Variants in CD4 observed in about 807,000 individuals in gnomAD.
CD4 encodes T-cell surface glycoprotein CD4.
A neutral mutation model predicts 50.5 loss-of-function variants in CD4; 25 were observed. The observed-to-expected ratio is 0.49, with a 90% CI of 0.36 to 0.69. CD4 has a LOEUF of 0.69. CD4 is among the 30% of genes least tolerant of loss of function. The pLI, the probability that CD4 is intolerant of heterozygous loss-of-function variation, is 0.00. For synonymous variants in CD4, 207 were observed against 221.9 expected (o/e 0.93, Z 0.60); for missense variants, 456 against 548.5 (o/e 0.83, Z 1.68).
At position 6,818,323 on chromosome 12, in the gene CD4, T is replaced by G; in HGVS notation, c.1157-98T>G. Reference sequence around the variant, plus strand: ...CCTCCCCTCTCCCCCAACCCCAGGGTCAAACCAGAGACTGGCCAGGAGGGA... The same window carrying G: ...CCTCCCCTCTCCCCCAACCCCAGGGGCAAACCAGAGACTGGCCAGGAGGGA... On this transcript the variant is annotated intron_variant, in intron 7 of 9. Coordinates refer to ENST00000011653, the MANE Select transcript of CD4 (RefSeq NM_000616.5). The surrounding 1 kb of genome is among the most constrained non-coding windows in gnomAD (Gnocchi z 5.0). 7 of 1,484,672 alleles carry G rather than the reference T, an allele frequency of 4.7e-6. No individual in the cohort carries two copies. Among genetic ancestry groups the G allele is most frequent in the Admixed American group, 1.8e-5 (1 of 56,926 alleles). 92.0% of individuals were successfully genotyped at this position (1,484,672 alleles called of 1,614,324 possible).
chr12:6,817,672 A>G (rs1003702683), intron 7 of CD4, among the ~76,000 whole-genome samples: 23 of 151,862 alleles, frequency 1.5e-4, no homozygotes, highest in African/African-American at 5.6e-4. Context: ...ACACTCACAC[A>G]CATACACTCT....
chr12:6,790,105 G>A (rs1942111304), intron 1 of CD4, among the ~76,000 whole-genome samples: 1 of 148,682 alleles, frequency 6.7e-6, no homozygotes, highest in Admixed American at 6.8e-5. Context: ...AATATAAGGT[G>A]GGAGGAAACC....
At chr12:6,805,249 T>C (rs782679932) in intron 3 of CD4, among the ~76,000 whole-genome samples, 1 of 117,368 alleles carries the variant, frequency 8.5e-6, no homozygotes, top group African/African-American at 3.3e-5. Flanking sequence ...GAGAAAGAAA[T>C]ACTTAGGTGT....
At position 6,800,067 on chromosome 12, in the gene CD4, C is replaced by T. The variant is rs1942489868; in HGVS notation, c.-67-5C>T. 1.5e-6 allele frequency: 2 copies of T among 1,357,624 alleles called. No homozygotes were observed. Among genetic ancestry groups the T allele is most frequent in the Admixed American group, 3.4e-5 (2 of 59,582 alleles). The allele number at this position is 1,357,624 out of a possible 1,614,324, so 84.1% of individuals were successfully genotyped here. ...TTGCTGACTAATGATTGGCATTTCCCTCAGGCCCTGCCATTTCTGTGGGCT... is the reference window on the plus strand; with the variant it reads ...TTGCTGACTAATGATTGGCATTTCCTTCAGGCCCTGCCATTTCTGTGGGCT... On this transcript the variant is annotated splice_polypyrimidine_tract_variant and splice_region_variant and intron_variant, in intron 1 of 9. Transcript: ENST00000011653.
chr12:6,813,820 A>G (rs1244164241), intron 3 of CD4, among the ~76,000 whole-genome samples: 1 of 152,342 alleles, frequency 6.6e-6, no homozygotes, highest in African/African-American at 2.4e-5. Context: ...TCTGCAAAAT[A>G]AACAAAACAG....
chr12:6,805,011 G>A (rs1483386273), intron 3 of CD4, among the ~76,000 whole-genome samples: 4 of 97,932 alleles, frequency 4.1e-5, no homozygotes, highest in African/African-American at 1.5e-4. Context: ...GTGAGACTAC[G>A]TCTCAAAAAA....
At chr12:6,808,240 G>A (rs1321468516) in intron 3 of CD4, among the ~76,000 whole-genome samples, 1 of 33,658 alleles carries the variant, frequency 3.0e-5, no homozygotes. Flanking sequence ...GGATCACGAG[G>A]TCAGGAGATT....
intron 1 of CD4, among the ~76,000 whole-genome samples, chr12:6,796,384 C>G (rs1075836): frequency 0.63 from 95,124 of 152,076 alleles, 29,936 homozygotes; most frequent in Middle Eastern, 0.7. Context: ...GCTTGGAAGA[C>G]AGAGTAAGTC....
intron 1 of CD4, among the ~76,000 whole-genome samples, chr12:6,796,629 A>T (rs1273502009): frequency 6.6e-6 from 1 of 152,158 alleles, no homozygotes; most frequent in African/African-American, 2.4e-5. Flanking sequence ...CACACAGACC[A>T]TGCCACATCT....
rs1226212429 is a variant in CD4 at position 6,792,122 on chromosome 12, A to T, written c.-68+2460A>T. Among the ~76,000 whole-genome samples the T allele has an allele frequency of 6.6e-6, 1 of 152,158 alleles. No individual in the cohort carries two copies. The highest frequency in any genetic ancestry group is 1.5e-5 in the Non-Finnish European group (1 of 68,020). On this transcript the variant is annotated intron_variant, in intron 1 of 9. Transcript: ENST00000011653. This position sits in a 1 kb window ranked among gnomAD's most constrained non-coding sequence, Gnocchi z 4.1. ...AGTTTATAGGAAGCTAGTCAGCAGT[A>T]GAGAGGGTGAACGCGGTGGGGCACA...
intron 5 of CD4, among the ~76,000 whole-genome samples, chr12:6,815,553 C>G (rs1362934395): frequency 2.6e-5 from 4 of 152,122 alleles, no homozygotes; most frequent in Admixed American, 1.3e-4. Context: ...ACCATGTGAC[C>G]TTGGGTGAGT....
Position 6,800,167 on chromosome 12 carries a change from TG to T in CD4, c.30del (p.Leu10PhefsTer30). The T allele has an allele frequency of 6.2e-7, 1 of 1,614,064 alleles. No individual in the cohort carries two copies. Among genetic ancestry groups the T allele is most frequent in the Non-Finnish European group, 8.5e-7 (1 of 1,180,002 alleles). On this transcript the variant is annotated frameshift_variant, in exon 2 of 10. Coordinates refer to ENST00000011653, the MANE Select transcript of CD4 (RefSeq NM_000616.5). LOFTEE classifies it high-confidence loss of function. Reference sequence around the variant, plus strand: ...AACCGGGGAGTCCCTTTTAGGCACTTGCTTCTGGTGCTGCAACTGGGTAAGT... The same window carrying T: ...AACCGGGGAGTCCCTTTTAGGCACTTCTTCTGGTGCTGCAACTGGGTAAGT... MNRGVPFRH[L>X]LLVLQLALLP...
intron 1 of CD4, among the ~76,000 whole-genome samples, chr12:6,798,329 C>G (rs1942435487): frequency 7.5e-6 from 1 of 133,874 alleles, no homozygotes; most frequent in Non-Finnish European, 1.7e-5. Context: ...GCCACCACGC[C>G]CGGCTAATTT....
intron 3 of CD4, among the ~76,000 whole-genome samples, chr12:6,808,280 C>T (rs766706494): frequency 6.8e-6 from 1 of 146,838 alleles, no homozygotes; most frequent in Non-Finnish European, 1.5e-5. Context: ...AGTGAAACCC[C>T]GTCTCTACTA....
chr12:6,789,759 C>T (rs904848224), intron 1 of CD4, 97 bp downstream of exon 1: 6 of 152,288 alleles, frequency 3.9e-5, no homozygotes, highest in Non-Finnish European at 7.3e-5. Flanking sequence ...TGTCTGCCCA[C>T]AGCTCTGGCC....
intron 1 of CD4, among the ~76,000 whole-genome samples, chr12:6,793,589 C>G (rs922136245): frequency 6.6e-6 from 1 of 152,104 alleles, no homozygotes; most frequent in Non-Finnish European, 1.5e-5. Context: ...TTTCAGAAAC[C>G]TCCTTCCTGA....
intron 3 of CD4, among the ~76,000 whole-genome samples, chr12:6,812,282 C>T: frequency 6.6e-6 from 1 of 151,998 alleles, no homozygotes; most frequent in East Asian, 1.9e-4. Context: ...ACCTGTAATC[C>T]CAGCTACTCC....
intron 1 of CD4, among the ~76,000 whole-genome samples, chr12:6,799,799 T>C (rs1942480799): frequency 6.6e-6 from 1 of 152,172 alleles, no homozygotes; most frequent in Admixed American, 6.5e-5. Flanking sequence ...GCCCATCTCT[T>C]AGGAGCTGCT....
intron 3 of CD4, among the ~76,000 whole-genome samples, chr12:6,811,491 CTTT>C (rs11318741): frequency 6.3e-5 from 7 of 111,022 alleles, no homozygotes; most frequent in South Asian, 3.0e-4. Flanking sequence ...TTTTCTTTTT[CTTT>C]TTTTTTTTTT....
Sources: gnomAD v4.1 joint callset for allele counts (sites outside exome capture counted in the v4.1 genomes callset) on GRCh38, gnomAD v4.1.1 for gene constraint, Gnocchi (gnomAD v3.1) non-coding constraint, MANE v1.5 for transcripts, NCBI Gene and HGNC (gene_info 2026-07-23, HGNC 2026-07-21) for gene names.